The following TRIM29 variants were observed in gnomAD, a reference collection of about 807,000 sequenced individuals.
TRIM29 encodes tripartite motif containing 29.
In TRIM29, 52 loss-of-function variants were observed where a neutral mutation model predicts 57.3. The observed-to-expected ratio is 0.91, with a 90% CI of 0.73 to 1.14. TRIM29 has a LOEUF of 1.14. Among genes scored for constraint, TRIM29 ranks in the 50% most tolerant of loss-of-function variants. The pLI is 0.00. For synonymous variants in TRIM29, 319 were observed against 316.9 expected (o/e 1.01, Z -0.07); for missense variants, 753 against 774.6 (o/e 0.97, Z 0.33).
intron 1 of TRIM29, among the ~76,000 whole-genome samples, chr11:120,131,701 T>C (rs1250326977): frequency 2.0e-5 from 3 of 151,290 alleles, no homozygotes; most frequent in African/African-American, 7.3e-5. Flanking sequence ...GGATGAGTCC[T>C]ACCCTGTCGG....
intron 8 of TRIM29, 48 bp downstream of exon 8, chr11:120,115,289 GC>G: frequency 6.3e-7 from 1 of 1,582,408 alleles, no homozygotes; most frequent in East Asian, 2.2e-5. Context: ...CCCCTTCAGT[GC>G]CCAGGTCTCT....
chr11:120,137,455 A>T lies in TRIM29; in HGVS notation c.577T>A (p.Ser193Thr). 1 of 1,605,368 alleles carries T rather than the reference A, an allele frequency of 6.2e-7. No homozygotes were observed. The highest frequency in any genetic ancestry group is 8.5e-7 in the Non-Finnish European group (1 of 1,179,906). Residue 193 changes from serine to threonine, a missense_variant, in exon 1 of 9, where the codon TCC (serine) becomes ACC (threonine). Transcript: ENST00000341846. This position sits in a 1 kb window ranked among gnomAD's most constrained non-coding sequence, Gnocchi z 6.2. The part of the protein sequence containing the change: ...AVKSCLVCQA[S>T]FCELHLKPHL... ...GGCTTGAGATGCAGCTCGCAGAAGG[A>T]GGCCTGGCACACCAGGCAGGACTTG...
At chr11:120,115,597 C>A (rs998976624) in intron 7 of TRIM29, 183 bp from the exon 8 acceptor site, 31 of 593,510 alleles carry the variant, frequency 5.2e-5, no homozygotes, top group Non-Finnish European at 8.4e-5. Flanking sequence ...CCTGGGGAGG[C>A]TGGCCAAAGG....
intron 1 of TRIM29, chr11:120,128,855 G>C (rs1191337819): frequency 3.6e-5 from 54 of 1,489,284 alleles, no homozygotes; most frequent in Non-Finnish European, 4.6e-5. Context: ...GGGGACAATG[G>C]GAAGAGAAAG....
intron 4 of TRIM29, 105 bp from the exon 5 acceptor site, chr11:120,123,160 A>G: frequency 5.5e-6 from 5 of 912,134 alleles, no homozygotes; most frequent in South Asian, 1.3e-5. Flanking sequence ...CCCTTCCCCT[A>G]TCTCCCAGGC....
chr11:120,115,471 G>C (rs2276160), intron 7 of TRIM29, 57 bp from the exon 8 acceptor site: 2 of 1,495,760 alleles, frequency 1.3e-6, no homozygotes, highest in Non-Finnish European at 1.8e-6. Context: ...AGGGGTGCCC[G>C]GGCCCAGAGC....
intron 1 of TRIM29, among the ~76,000 whole-genome samples, chr11:120,132,797 T>C (rs1198637829): frequency 6.6e-6 from 1 of 152,248 alleles, no homozygotes; most frequent in Non-Finnish European, 1.5e-5. Flanking sequence ...TCTGAAATGC[T>C]GGATAGATTT....
intron 1 of TRIM29, 84 bp from the exon 2 acceptor site, chr11:120,128,579 G>A: frequency 6.6e-7 from 1 of 1,513,228 alleles, no homozygotes. Flanking sequence ...TCCACTCAGG[G>A]GGCACACTCG....
rs1026067019 is a variant in TRIM29 at position 120,137,308 on chromosome 11, A to G, written c.724T>C (p.Cys242Arg). 3 of 1,614,004 alleles carry G rather than the reference A, an allele frequency of 1.9e-6. No individual in the cohort carries two copies. Among genetic ancestry groups the G allele is most frequent in the Admixed American group, 3.3e-5 (2 of 60,002 alleles). Residue 242 changes from cysteine (C) to arginine (R), a missense_variant, in exon 1 of 9, where the codon TGC becomes CGC. By Grantham distance (180) the Cys-to-Arg change is radical. Transcript: ENST00000341846. This position sits in a 1 kb window ranked among gnomAD's most constrained non-coding sequence, Gnocchi z 6.2. ...MELFCQTDQTCICYLCMFQEH... is the reference protein window; with the variant it reads ...MELFCQTDQTRICYLCMFQEH... ...TGGAACATGCAAAGGTAGCAGATGC[A>G]GGTCTGGTCGGTCTGGCAGAAGAGC...
chr11:120,117,914 T>G, intron 7 of TRIM29: 1 of 376,748 alleles, frequency 2.7e-6, no homozygotes, highest in Non-Finnish European at 4.9e-6. Context: ...ATCCTGAGGA[T>G]CAGAGAGGTC....
intron 6 of TRIM29, among the ~76,000 whole-genome samples, chr11:120,119,797 C>T (rs906502709): frequency 6.6e-6 from 1 of 152,130 alleles, no homozygotes. Context: ...ACCCAGTCCC[C>T]TCCCTCCCTG....
chr11:120,125,996 G>A lies in TRIM29; in HGVS notation c.1135-107C>T, dbSNP rs1451994446. 3.6e-6 allele frequency: 4 copies of A among 1,097,652 alleles called. No homozygotes were observed. The East Asian group carries it at 9.9e-5, about 27-fold the overall frequency. 68.0% of individuals were successfully genotyped at this position (1,097,652 alleles called of 1,614,324 possible). A position where few individuals can be genotyped will look rare whatever the true frequency, so the allele number is the denominator to read the frequency against. On this transcript the variant is annotated intron_variant, in intron 3 of 8. Transcript: ENST00000341846. ...GCAGCTGGGGGTCTCAGCGCTGCAA[G>A]CCCCACTCTTCCTCACTGGATGTTT...
chr11:120,120,855 C>G, intron 5 of TRIM29, 190 bp from the exon 6 acceptor site: 1 of 685,674 alleles, frequency 1.5e-6, no homozygotes, highest in Non-Finnish European at 2.7e-6. Flanking sequence ...TAGAAGGACT[C>G]TGTTAGTAAC....
In TRIM29 at chr11:120,112,017, G is replaced by A. The variant is rs895661647; in HGVS notation, c.*397C>T. ...GGGGGATAGGGCCTTGGAGAGAAAC[G>A]TCTATAGGCCTGGAGACAGCAGGGC... On this transcript the variant is annotated 3_prime_UTR_variant, in exon 9 of 9. Transcript: ENST00000341846. The A allele has an allele frequency of 2.9e-5, 7 of 239,886 alleles. No individual in the cohort carries two copies. The highest frequency in any genetic ancestry group is 1.1e-4 in the Admixed American group (2 of 18,678). 14.9% of individuals were successfully genotyped at this position (239,886 alleles called of 1,614,324 possible). A position where few individuals can be genotyped will look rare whatever the true frequency, so the allele number is the denominator to read the frequency against.
chr11:120,117,268 C>A, intron 7 of TRIM29: 1 of 206,806 alleles, frequency 4.8e-6, no homozygotes, highest in Non-Finnish European at 9.9e-6. Flanking sequence ...TCCCCAGGCC[C>A]GGATCAGAGC....
intron 5 of TRIM29, chr11:120,121,288 C>G (rs150397127): frequency 1.6e-5 from 3 of 190,426 alleles, no homozygotes; most frequent in Non-Finnish European, 3.3e-5. Context: ...CGCAGTCATG[C>G]TCCCTCTACT....
At position 120,111,891 on chromosome 11, in the gene TRIM29, A is replaced by T. The variant is rs1432622727; in HGVS notation, c.*523T>A. The T allele has an allele frequency of 6.1e-6, 1 of 163,002 alleles. No individual in the cohort carries two copies. Among genetic ancestry groups the T allele is most frequent in the Non-Finnish European group, 1.3e-5 (1 of 75,304 alleles). 10.1% of individuals were successfully genotyped at this position (163,002 alleles called of 1,614,324 possible). ...GCCATGCTGGGCATTGATAGGTAGG[A>T]CGAGAGAGAGCACGTAGGGCCAGTC... On this transcript the variant is annotated 3_prime_UTR_variant, in exon 9 of 9. Coordinates refer to ENST00000341846, the MANE Select transcript of TRIM29 (RefSeq NM_012101.4).
Position 120,137,633 on chromosome 11 carries a change from C to G in TRIM29, c.399G>C (p.Ser133=), listed in dbSNP as rs772848985. 2 of 1,613,676 alleles carry G rather than the reference C, an allele frequency of 1.2e-6. No individual in the cohort carries two copies. Among genetic ancestry groups the G allele is most frequent in the East Asian group, 2.2e-5 (1 of 44,842 alleles). ...TGGACACCGTGGGCTTCCGGGACTC[C>G]GAGAAAATGGACTTGCGCAGCTCGC... ...EKGELRKSIF[S]ESRKPTVSIM... is the part of the protein sequence containing the mutation. The change falls in exon 1 of 9, where the codon TCG becomes TCC. Residue 133 remains serine (S), a synonymous_variant. Coordinates refer to ENST00000341846, the MANE Select transcript of TRIM29 (RefSeq NM_012101.4). This position sits in a 1 kb window ranked among gnomAD's most constrained non-coding sequence, Gnocchi z 6.2.
intron 5 of TRIM29, 147 bp from the exon 6 acceptor site, chr11:120,120,812 A>T: frequency 2.8e-6 from 2 of 719,114 alleles, no homozygotes; most frequent in Non-Finnish European, 5.0e-6. Context: ...TCAATCAACT[A>T]ATTTATCACC....
Sources: allele counts gnomAD v4.1 joint callset (sites outside exome capture counted in the v4.1 genomes callset), GRCh38; gene constraint gnomAD v4.1.1; non-coding constraint Gnocchi (gnomAD v3.1); transcripts MANE v1.5; gene names NCBI Gene and HGNC (gene_info 2026-07-23, HGNC 2026-07-21).